RCAN3: variants seen among roughly 807,000 people sequenced by gnomAD.
The protein encoded by RCAN3 is calcipressin-3.
Under a neutral mutation model 21.9 loss-of-function variants are expected in RCAN3, and 19 were observed. That is an observed-to-expected ratio of 0.87 (90% CI 0.61 to 1.27). The LOEUF (loss-of-function observed/expected upper bound fraction) is 1.27, where lower values mean the gene tolerates loss of function less well. RCAN3 is among the 50% of genes most tolerant of loss of function. RCAN3 has a pLI of 0.00. For synonymous variants in RCAN3, 114 were observed against 112.3 expected, an observed-to-expected ratio of 1.01 and a Z score of -0.09; for missense variants, 240 against 300.1, an observed-to-expected ratio of 0.80 and a Z score of 1.48.
chr1:24,505,221 T>C (rs1647329678), intron 1 of RCAN3, among the ~76,000 whole-genome samples: 1 of 120,428 alleles, frequency 8.3e-6, no homozygotes, highest in African/African-American at 3.8e-5. Context: ...GTTTTTTTTT[T>C]TCTCTTTTTT....
In RCAN3 at chr1:24,514,486, G is replaced by A; in HGVS notation, c.114G>A (p.Glu38=). 1 of 1,614,156 alleles carries A rather than the reference G, an allele frequency of 6.2e-7. No homozygotes were observed. The highest frequency in any genetic ancestry group is 8.5e-7 in the Non-Finnish European group (1 of 1,180,016). Residue 38 remains glutamate, a synonymous_variant, in exon 2 of 5, where the codon GAG becomes GAA. Coordinates refer to ENST00000374395, the MANE Select transcript of RCAN3 (RefSeq NM_013441.4). The part of the protein sequence containing the change: ...IFGENEDDLD[E]MMDLSDLPTS... Reference sequence around the variant, plus strand: ...GTGAAAATGAAGATGATTTGGATGAGATGATGGATTTAAGTGATCTGCCTA... The same window carrying A: ...GTGAAAATGAAGATGATTTGGATGAAATGATGGATTTAAGTGATCTGCCTA...
chr1:24,515,519 C>T (rs903100506), intron 2 of RCAN3, among the ~76,000 whole-genome samples: 2 of 151,768 alleles, frequency 1.3e-5, no homozygotes, highest in African/African-American at 4.8e-5. Context: ...GTCTTAGTCC[C>T]ACAAAAGTAA....
chr1:24,533,765 A>G (rs1649991048), intron 4 of RCAN3, among the ~76,000 whole-genome samples: 1 of 152,214 alleles, frequency 6.6e-6, no homozygotes, highest in Admixed American at 6.5e-5. Context: ...GTACCACTGT[A>G]CTCCAGCCTA....
rs190396566 is a variant in RCAN3, at chr1:24,508,690, C to T, written c.-60+5540C>T. Among the ~76,000 whole-genome samples the T allele has an allele frequency of 7.2e-4, 110 of 152,174 alleles. 2 individuals carry two copies. The highest frequency in any genetic ancestry group is 4.6e-3 in the Admixed American group (70 of 15,282). ...ACTGGGTTTCAACTACAGGCTTGTT[C>T]GGGGATATCGCGGGTTTCGTTACAG... On this transcript the variant is annotated intron_variant, in intron 1 of 4. Coordinates refer to ENST00000374395, the MANE Select transcript of RCAN3 (RefSeq NM_013441.4).
At position 24,525,981 on chromosome 1, in the gene RCAN3, A is replaced by G. The variant is rs1248079381; in HGVS notation, c.196-5237A>G. Among the ~76,000 whole-genome samples the G allele has an allele frequency of 6.6e-6, 1 of 152,216 alleles. No homozygotes were observed. On this transcript the variant is annotated intron_variant, in intron 2 of 4. Transcript: ENST00000374395. The surrounding 1 kb of genome is among the most constrained non-coding windows in gnomAD (Gnocchi z 4.1). ...CTCACAGCTAGAATTCACGTATTTC[A>G]TAACCATATTTATGCTACTTCAAGG...
intron 1 of RCAN3, among the ~76,000 whole-genome samples, chr1:24,511,947 G>A (rs1453130475): frequency 6.6e-6 from 1 of 152,202 alleles, no homozygotes; most frequent in Non-Finnish European, 1.5e-5. Context: ...AGCACGGCAA[G>A]AAGAGATCAC....
intron 2 of RCAN3, among the ~76,000 whole-genome samples, chr1:24,516,316 A>G (rs146410120): frequency 4.6e-5 from 7 of 152,210 alleles, no homozygotes; most frequent in African/African-American, 1.4e-4. Context: ...TAAAATAATA[A>G]TAATAATTTA....
intron 3 of RCAN3, among the ~76,000 whole-genome samples, chr1:24,531,987 T>A (rs1649799492): frequency 6.6e-6 from 1 of 152,084 alleles, no homozygotes; most frequent in Non-Finnish European, 1.5e-5. Flanking sequence ...GTGTATTAAA[T>A]GCACTGTTTT....
At chr1:24,520,801 G>T (rs142894799) in intron 2 of RCAN3, among the ~76,000 whole-genome samples, 3,970 of 151,758 alleles carry the variant, frequency 0.026, 74 homozygotes, top group African/African-American at 0.05. Context: ...CCTGCACGTT[G>T]TACACATGTA....
At chr1:24,527,307 G>A (rs1649358855) in intron 2 of RCAN3, among the ~76,000 whole-genome samples, 1 of 152,106 alleles carries the variant, frequency 6.6e-6, no homozygotes, top group Admixed American at 6.5e-5. Context: ...ATGGCTTTCT[G>A]TATTACTTTA....
chr1:24,502,452 A>T (rs1647186565), upstream of RCAN3: 1 of 152,472 alleles, frequency 6.6e-6, no homozygotes, highest in Non-Finnish European at 1.5e-5. Context: ...GGTTGCCGGG[A>T]GGTGAACCGA....
Position 24,538,518 on chromosome 1 carries a change from C to T in RCAN3, c.*3241C>T, listed in dbSNP as rs1650345827. 6.6e-6 allele frequency: 1 copy of T among 151,602 alleles called. No individual in the cohort carries two copies. Among genetic ancestry groups the T allele is most frequent in the African/African-American group, 2.4e-5 (1 of 41,302 alleles). 9.4% of individuals were successfully genotyped at this position (151,602 alleles called of 1,614,324 possible). ...CTCCCGGGTTCACGCCATTCTCCTG[C>T]CTCAGCCTCCCAAGTAGCTGGGACT... is the stretch of plus-strand genomic sequence containing the variant. On this transcript the variant is annotated 3_prime_UTR_variant, in exon 5 of 5. Coordinates refer to ENST00000374395, the MANE Select transcript of RCAN3 (RefSeq NM_013441.4).
intron 2 of RCAN3, among the ~76,000 whole-genome samples, chr1:24,516,778 C>T (rs1450280839): frequency 6.6e-6 from 1 of 152,050 alleles, no homozygotes; most frequent in Non-Finnish European, 1.5e-5. Flanking sequence ...AGGGAGCTCT[C>T]GGATTGCACC....
chr1:24,537,528 A>C lies in RCAN3; in HGVS notation c.*2251A>C, dbSNP rs1650295961. ...CTAGTTCATGTAACAAATTTACAAG[A>C]GATAAGTCTCATGGTTTTTTTTTTC... On this transcript the variant is annotated 3_prime_UTR_variant, in exon 5 of 5. Coordinates refer to ENST00000374395, the MANE Select transcript of RCAN3 (RefSeq NM_013441.4). 1 of 152,072 alleles carries C rather than the reference A, an allele frequency of 6.6e-6. No individual in the cohort carries two copies. Among genetic ancestry groups the C allele is most frequent in the African/African-American group, 2.4e-5 (1 of 41,412 alleles). The allele number at this position is 152,072 out of a possible 1,614,324, so 9.4% of individuals were successfully genotyped here.
In RCAN3 at chr1:24,535,137, G is replaced by T. The variant is rs201305577; in HGVS notation, c.586G>T (p.Val196Leu). 1.9e-6 allele frequency: 3 copies of T among 1,597,050 alleles called. No homozygotes were observed. In the South Asian group the frequency reaches 3.4e-5, roughly 18 times the overall value. Residue 196 changes from valine (V) to leucine (L), a missense_variant, in exon 5 of 5, where the codon GTG becomes TTG. Physicochemically the swap from Val to Leu is conservative, Grantham distance 32. Coordinates refer to ENST00000374395, the MANE Select transcript of RCAN3 (RefSeq NM_013441.4). ...LHAGTESTPS[V>L]VVHVCESETE... Reference sequence around the variant, plus strand: ...CGCGGGAACAGAGTCGACACCCAGCGTGGTGGTTCATGTCTGTGAAAGTGA... The same window carrying T: ...CGCGGGAACAGAGTCGACACCCAGCTTGGTGGTTCATGTCTGTGAAAGTGA...
rs770294950 is a variant in RCAN3, at chr1:24,535,158, A to G, written c.607A>G (p.Ser203Gly). 3.8e-6 allele frequency: 6 copies of G among 1,598,534 alleles called. No individual in the cohort carries two copies. Among genetic ancestry groups the G allele is most frequent in the Non-Finnish European group, 5.1e-6 (6 of 1,174,752 alleles). ...CAGCGTGGTGGTTCATGTCTGTGAAAGTGAAACTGAAGAGGAAGAAGAGAC... is the reference window on the plus strand; with the variant it reads ...CAGCGTGGTGGTTCATGTCTGTGAAGGTGAAACTGAAGAGGAAGAAGAGAC... ...TPSVVVHVCE[S>G]ETEEEEETKN... The change falls in exon 5 of 5, where the codon AGT (serine) becomes GGT (glycine). Residue 203 changes from serine (S) to glycine (G), a missense_variant. By Grantham distance (56) the Ser-to-Gly change is moderately conservative. Coordinates refer to ENST00000374395, the MANE Select transcript of RCAN3 (RefSeq NM_013441.4).
At chr1:24,531,084 CT>C (rs1268223157) in intron 2 of RCAN3, 133 bp from the exon 3 acceptor site, 7 of 593,240 alleles carry the variant, frequency 1.2e-5, no homozygotes, top group Admixed American at 3.4e-5. Context: ...GAAAAGTATA[CT>C]TTTTTTGGAG....
At chr1:24,534,208 C>T (rs778152996) in intron 4 of RCAN3, among the ~76,000 whole-genome samples, 5 of 152,130 alleles carry the variant, frequency 3.3e-5, no homozygotes, top group Admixed American at 6.6e-5. Context: ...TGTTTTTAGA[C>T]GTTAGAGCTG....
At chr1:24,505,211 GTTTTTTTTTTTCTCTTTTTTCTTTTTT>G (rs1432830245) in intron 1 of RCAN3, among the ~76,000 whole-genome samples, 3 of 89,708 alleles carry the variant, frequency 3.3e-5, no homozygotes, top group Non-Finnish European at 7.8e-5. Context: ...TTGTTGCTTT[GTTTTTTTTTTTCTCTTTTTTCTTTTTT>G]TTTTTTTTTT....
Sources: allele counts gnomAD v4.1 joint callset (sites outside exome capture counted in the v4.1 genomes callset), GRCh38; gene constraint gnomAD v4.1.1; non-coding constraint Gnocchi (gnomAD v3.1); transcripts MANE v1.5; gene names NCBI Gene and HGNC (gene_info 2026-07-23, HGNC 2026-07-21).